The following TSHR variants were observed in gnomAD, a reference collection of about 807,000 sequenced individuals.
The protein encoded by TSHR is thyrotropin receptor.
TSHR carries 51 observed loss-of-function variants against 64.1 expected under a neutral mutation model. That is an observed-to-expected ratio of 0.80 (90% CI 0.64 to 1.01). The LOEUF is 1.01. Ranked by LOEUF, TSHR falls within the 50% of genes least tolerant of loss-of-function variation. The pLI, the probability that TSHR is intolerant of heterozygous loss-of-function variation, is 0.00. For synonymous variants in TSHR, 361 were observed against 361.9 expected (o/e 1.00, Z 0.03); for missense variants, 877 against 942.8 (o/e 0.93, Z 0.91).
chr14:81,093,467 A>T (rs1256805385), intron 6 of TSHR: 1 of 152,266 alleles, frequency 6.6e-6, no homozygotes, highest in Admixed American at 6.5e-5. Flanking sequence ...ACCACTGCCC[A>T]AGTTCAAGCC....
chr14:81,086,216 G>A (rs867505859), intron 3 of TSHR, among the ~76,000 whole-genome samples: 1 of 152,204 alleles, frequency 6.6e-6, no homozygotes, highest in African/African-American at 2.4e-5. Context: ...CAATTTGCCT[G>A]GGCAAGAGTC....
chr14:81,000,839 G>A (rs1889271462), intron 1 of TSHR, among the ~76,000 whole-genome samples: 1 of 152,224 alleles, frequency 6.6e-6, no homozygotes, highest in South Asian at 2.1e-4. Context: ...TTGCAAAAGG[G>A]AAGTGGGGTC....
chr14:81,060,725 T>A (rs748823655), intron 1 of TSHR, among the ~76,000 whole-genome samples: 9 of 152,140 alleles, frequency 5.9e-5, no homozygotes, highest in Non-Finnish European at 1.3e-4. Context: ...TATTCTACTA[T>A]CTATAAATGA....
intron 5 of TSHR, 74 bp from the exon 6 acceptor site, chr14:81,092,457 A>T: frequency 7.8e-7 from 1 of 1,289,988 alleles, no homozygotes; most frequent in Non-Finnish European, 1.1e-6. Flanking sequence ...ATTTAAGTGC[A>T]TATGCGCAGC....
intron 1 of TSHR, among the ~76,000 whole-genome samples, chr14:81,058,336 A>G (rs1473119607): frequency 6.6e-6 from 1 of 152,250 alleles, no homozygotes; most frequent in Non-Finnish European, 1.5e-5. Context: ...GATTAAAGAA[A>G]TCACAGCAAA....
chr14:80,988,152 G>A (rs1419784371), intron 1 of TSHR, among the ~76,000 whole-genome samples: 1 of 152,100 alleles, frequency 6.6e-6, no homozygotes, highest in African/African-American at 2.4e-5. Context: ...CATGCATTGG[G>A]TAAAAATTTA....
intron 1 of TSHR, among the ~76,000 whole-genome samples, chr14:80,971,075 C>T (rs1244845176): frequency 6.6e-6 from 1 of 152,162 alleles, no homozygotes; most frequent in Non-Finnish European, 1.5e-5. Context: ...CCACCCACCT[C>T]GGCCTCCCAA....
At chr14:81,092,967 A>G (rs1595097022) in intron 6 of TSHR, among the ~76,000 whole-genome samples, 1 of 152,200 alleles carries the variant, frequency 6.6e-6, no homozygotes, top group South Asian at 2.1e-4. Context: ...CTGTGTTCCA[A>G]TAAAACTTTA....
intron 1 of TSHR, among the ~76,000 whole-genome samples, chr14:81,007,252 A>C (rs1310641273): frequency 6.6e-6 from 1 of 152,228 alleles, no homozygotes; most frequent in Non-Finnish European, 1.5e-5. Context: ...TAGACTATCC[A>C]ACCTCCAAAA....
At chr14:81,086,037 C>G (rs1888262435) in intron 3 of TSHR, among the ~76,000 whole-genome samples, 2 of 152,144 alleles carry the variant, frequency 1.3e-5, no homozygotes, top group African/African-American at 4.8e-5. Flanking sequence ...GAGGATCTTT[C>G]CATGCAGGGT....
At chr14:80,984,977 G>A (rs1178719800) in intron 1 of TSHR, among the ~76,000 whole-genome samples, 3 of 152,164 alleles carry the variant, frequency 2.0e-5, no homozygotes, top group Non-Finnish European at 2.9e-5. Flanking sequence ...TTGGCCGGGC[G>A]CGGTGGCTCA....
At chr14:81,091,446 G>T (rs1239989562) in intron 5 of TSHR, among the ~76,000 whole-genome samples, 2 of 152,146 alleles carry the variant, frequency 1.3e-5, no homozygotes, top group African/African-American at 4.8e-5. Context: ...TCTTTTGAGA[G>T]GTTTTACTAT....
At chr14:80,967,154 G>A (rs1335632267) in intron 1 of TSHR, among the ~76,000 whole-genome samples, 3 of 138,464 alleles carry the variant, frequency 2.2e-5, no homozygotes, top group Non-Finnish European at 3.1e-5. Flanking sequence ...ATATCTGGAG[G>A]AGAAAAAAAA....
intron 3 of TSHR, chr14:81,087,561 A>T: frequency 3.5e-6 from 1 of 284,706 alleles, no homozygotes; most frequent in Non-Finnish European, 6.8e-6. Flanking sequence ...TCCCACTCCA[A>T]CACTCATTGT....
intron 1 of TSHR, among the ~76,000 whole-genome samples, chr14:80,965,330 G>A (rs1009962179): frequency 3.3e-5 from 5 of 152,174 alleles, no homozygotes; most frequent in Admixed American, 1.3e-4. Context: ...CAGTGGTATA[G>A]TGAGTTGATC....
Position 81,143,772 on chromosome 14 carries a change from A to G in TSHR, c.1714A>G (p.Met572Val), listed in dbSNP as rs987282140. Reference sequence around the variant, plus strand: ...TGCCAAAGTCAGTATCTGCCTGCCCATGGACACCGAGACCCCTCTTGCTCT... The same window carrying G: ...TGCCAAAGTCAGTATCTGCCTGCCCGTGGACACCGAGACCCCTCTTGCTCT... Reference protein sequence around the residue: ...SYAKVSICLPMDTETPLALAY... With the variant: ...SYAKVSICLPVDTETPLALAY... Residue 572 changes from methionine to valine, a missense_variant, in exon 10 of 10, where the codon ATG (methionine) becomes GTG (valine). Met to Val is a conservative substitution (Grantham distance 21). Transcript: ENST00000298171. 6.2e-6 allele frequency: 10 copies of G among 1,613,872 alleles called. No individual in the cohort carries two copies. The highest frequency in any genetic ancestry group is 8.5e-6 in the Non-Finnish European group (10 of 1,179,980).
At chr14:81,009,406 AC>A (rs1482581777) in intron 1 of TSHR, among the ~76,000 whole-genome samples, 1 of 151,392 alleles carries the variant, frequency 6.6e-6, no homozygotes, top group African/African-American at 2.4e-5. Context: ...TATAATAAAT[AC>A]CCCTATGCGC....
intron 8 of TSHR, among the ~76,000 whole-genome samples, chr14:81,110,217 C>G (rs1400963999): frequency 6.6e-6 from 1 of 152,188 alleles, no homozygotes; most frequent in Non-Finnish European, 1.5e-5. Context: ...TTCCTAAATT[C>G]AAATGCTGAA....
At chr14:80,968,002 A>G (rs1176770743) in intron 1 of TSHR, among the ~76,000 whole-genome samples, 1 of 152,182 alleles carries the variant, frequency 6.6e-6, no homozygotes, top group Non-Finnish European at 1.5e-5. Context: ...TAAAACATCT[A>G]TCCATCAGTT....
Sources: allele counts gnomAD v4.1 joint callset (sites outside exome capture counted in the v4.1 genomes callset), GRCh38; gene constraint gnomAD v4.1.1; transcripts MANE v1.5; gene names NCBI Gene and HGNC (gene_info 2026-07-23, HGNC 2026-07-21).